Variants in CALN1 observed in about 807,000 individuals in gnomAD.
CALN1 encodes the protein calneuron 1.
In CALN1, 17 loss-of-function variants were observed where a neutral mutation model predicts 30.6. The ratio of observed to expected loss-of-function variants is 0.56; its 90% CI spans 0.38 to 0.83. The LOEUF (loss-of-function observed/expected upper bound fraction) is 0.83. Among genes scored for constraint, CALN1 ranks in the 40% least tolerant of loss-of-function variants. CALN1 has a pLI of 0.00. For missense variants in CALN1, 291 were observed against 354.9 expected (o/e 0.82, Z 1.45); for synonymous variants, 156 against 131.4 (o/e 1.19, Z -1.28).
chr7:72,241,226 A>AT (rs1263869464), intron 3 of CALN1, among the ~76,000 whole-genome samples: 1 of 152,220 alleles, frequency 6.6e-6, no homozygotes, highest in African/African-American at 2.4e-5. Flanking sequence ...TTCAACAGGC[A>AT]TTTATTGGTC....
the CALN1 span, among the ~76,000 whole-genome samples, chr7:72,488,440 G>A: frequency 6.6e-6 from 1 of 152,102 alleles, no homozygotes; most frequent in Non-Finnish European, 1.5e-5. Flanking sequence ...ATTGATAGAG[G>A]TTAGGGGGCC....
intron 5 of CALN1, among the ~76,000 whole-genome samples, chr7:71,828,278 T>C (rs1325145330): frequency 1.3e-5 from 2 of 152,122 alleles, no homozygotes; most frequent in African/African-American, 2.4e-5. Flanking sequence ...CCAGAGAATA[T>C]AGTTCACTCT....
intron 4 of CALN1, among the ~76,000 whole-genome samples, chr7:72,029,114 G>T (rs1801274124): frequency 1.3e-5 from 2 of 151,978 alleles, no homozygotes; most frequent in African/African-American, 4.8e-5. Context: ...AGCATCTTTT[G>T]TTCTAATATT....
the CALN1 span, among the ~76,000 whole-genome samples, chr7:72,500,800 A>G: frequency 9.4e-4 from 143 of 152,166 alleles, no homozygotes; most frequent in Middle Eastern, 3.4e-3. Flanking sequence ...TTTTTTGTTT[A>G]CAATGTCCAG....
At chr7:72,348,457 A>T (rs574068820) in intron 2 of CALN1, among the ~76,000 whole-genome samples, 1 of 152,330 alleles carries the variant, frequency 6.6e-6, no homozygotes, top group South Asian at 2.1e-4. Context: ...AGAACTGGAG[A>T]GGAGAAGGCA....
At chr7:72,421,185 T>A (rs929772603) in intron 1 of CALN1, among the ~76,000 whole-genome samples, 1 of 152,162 alleles carries the variant, frequency 6.6e-6, no homozygotes, top group Non-Finnish European at 1.5e-5. Flanking sequence ...GGATGAGTTC[T>A]TTAGCAGTGA....
At chr7:71,983,555 G>A (rs1184778029) in intron 5 of CALN1, among the ~76,000 whole-genome samples, 1 of 151,754 alleles carries the variant, frequency 6.6e-6, no homozygotes, top group African/African-American at 2.4e-5. Context: ...TTTTGAGACG[G>A]AATTTTGCGA....
intron 3 of CALN1, among the ~76,000 whole-genome samples, chr7:72,278,087 T>C (rs1487789518): frequency 6.6e-6 from 1 of 150,528 alleles, no homozygotes; most frequent in Non-Finnish European, 1.5e-5. Flanking sequence ...AGTCCTAGGA[T>C]GAATTTAGTC....
At chr7:72,020,329 C>G (rs1800632553) in intron 5 of CALN1, among the ~76,000 whole-genome samples, 1 of 152,166 alleles carries the variant, frequency 6.6e-6, no homozygotes, top group Non-Finnish European at 1.5e-5. Context: ...AGGAAACACA[C>G]ATGTATATAT....
intron 5 of CALN1, among the ~76,000 whole-genome samples, chr7:71,986,336 G>C (rs1278484410): frequency 1.3e-5 from 2 of 152,212 alleles, no homozygotes. Flanking sequence ...CAAACCTGAG[G>C]ATTACAGGTG....
chr7:71,986,205 A>G (rs1271090724), intron 5 of CALN1, among the ~76,000 whole-genome samples: 2 of 151,724 alleles, frequency 1.3e-5, no homozygotes, highest in East Asian at 3.9e-4. Context: ...GTGCCACCAC[A>G]CCCAACTAAT....
intron 2 of CALN1, among the ~76,000 whole-genome samples, chr7:72,351,445 A>G (rs1376846726): frequency 1.3e-5 from 2 of 152,204 alleles, no homozygotes; most frequent in African/African-American, 2.4e-5. Context: ...GTTTGTCATT[A>G]TTTTTAACTT....
intron 1 of CALN1, among the ~76,000 whole-genome samples, chr7:72,435,709 T>C (rs1476698384): frequency 1.3e-5 from 2 of 151,998 alleles, no homozygotes; most frequent in Admixed American, 6.6e-5. Context: ...TCATCTTCCC[T>C]GGCTCCGGCA....
the CALN1 span, among the ~76,000 whole-genome samples, chr7:72,468,653 A>G: frequency 6.6e-6 from 1 of 152,178 alleles, no homozygotes; most frequent in Non-Finnish European, 1.5e-5. Flanking sequence ...TGTTTTCCAC[A>G]GTGGTTGAAA....
chr7:71,914,156 T>G (rs1384348701), intron 5 of CALN1, among the ~76,000 whole-genome samples: 2 of 152,204 alleles, frequency 1.3e-5, no homozygotes, highest in Non-Finnish European at 2.9e-5. Context: ...CACCTAGATA[T>G]TAAGCCTAGT....
intron 3 of CALN1, among the ~76,000 whole-genome samples, chr7:72,194,630 T>TGCAGTGGCA (rs1790863172): frequency 6.8e-6 from 1 of 146,882 alleles, no homozygotes; most frequent in South Asian, 2.3e-4. Context: ...TCTTGCTCTG[T>TGCAGTGGCA]CGCCAGGCTG....
the CALN1 span, among the ~76,000 whole-genome samples, chr7:72,484,070 C>T: frequency 6.6e-6 from 1 of 152,142 alleles, no homozygotes; most frequent in Non-Finnish European, 1.5e-5. Flanking sequence ...AATTACAATA[C>T]TTGTTTTAAT....
At position 71,884,042 on chromosome 7, in the gene CALN1, T is replaced by C. The variant is rs945042687; in HGVS notation, c.502-73550A>G. On this transcript the variant is annotated intron_variant, in intron 5 of 6. Coordinates refer to ENST00000395275, the MANE Select transcript of CALN1 (RefSeq NM_031468.4). ...GATTTTCCTGCCTCAGCCTCCCGAGTAGCTGGGACTACAGGTGTGCGCCAC... is the reference window on the plus strand; with the variant it reads ...GATTTTCCTGCCTCAGCCTCCCGAGCAGCTGGGACTACAGGTGTGCGCCAC... Among the ~76,000 whole-genome samples the C allele has an allele frequency of 4.7e-4, 71 of 152,178 alleles. 1 individual carries two copies. The highest frequency in any genetic ancestry group is 1.5e-5 in the Non-Finnish European group (1 of 67,994).
At chr7:72,256,497 C>T (rs1185417555) in intron 3 of CALN1, among the ~76,000 whole-genome samples, 1 of 152,134 alleles carries the variant, frequency 6.6e-6, no homozygotes, top group Non-Finnish European at 1.5e-5. Flanking sequence ...CACACATACA[C>T]ATACTTCTAA....
Sources: allele counts gnomAD v4.1 joint callset (sites outside exome capture counted in the v4.1 genomes callset), GRCh38; gene constraint gnomAD v4.1.1; transcripts MANE v1.5; gene names NCBI Gene and HGNC (gene_info 2026-07-23, HGNC 2026-07-21).